The following ME2 variants were observed in gnomAD, a reference collection of about 807,000 sequenced individuals.
The protein encoded by ME2 is NAD-dependent malic enzyme, mitochondrial.
In ME2, 60 loss-of-function variants were observed where a neutral mutation model predicts 73.7. That is an observed-to-expected ratio of 0.81 (90% CI 0.66 to 1.01). The LOEUF is 1.01. ME2 is among the 50% of genes least tolerant of loss of function. ME2 has a pLI of 0.00. For missense variants in ME2, 594 were observed against 705.5 expected (o/e 0.84, Z 1.79); for synonymous variants, 199 against 236.9 (o/e 0.84, Z 1.47).
At chr18:50,937,640 C>G (rs148300592) in intron 13 of ME2, among the ~76,000 whole-genome samples, 2 of 151,986 alleles carry the variant, frequency 1.3e-5, no homozygotes, top group East Asian at 1.9e-4. Flanking sequence ...TTATCAATAT[C>G]CTCAGGGGGA....
At chr18:50,926,247 A>G (rs1468785071) in intron 12 of ME2, among the ~76,000 whole-genome samples, 3 of 152,032 alleles carry the variant, frequency 2.0e-5, no homozygotes, top group Admixed American at 2.0e-4. Flanking sequence ...ACCTAGGATC[A>G]TTTTCCTTCT....
intron 3 of ME2, among the ~76,000 whole-genome samples, chr18:50,908,960 T>TC (rs199654117): frequency 3.0e-5 from 4 of 132,340 alleles, no homozygotes; most frequent in African/African-American, 5.7e-5. Context: ...TCTTTTCTTT[T>TC]TTTTTTTTTT....
chr18:50,917,330 AT>A lies in ME2; in HGVS notation c.469-10del. The A allele has an allele frequency of 4.4e-6, 7 of 1,588,600 alleles. No individual in the cohort carries two copies. Among genetic ancestry groups the A allele is most frequent in the South Asian group, 1.1e-5 (1 of 87,656 alleles). ...CCATTTTTGACAACTTTTAATTTGC[AT>A]TTTTTTGTGATTAAGGCTGTTGTAG... On this transcript the variant is annotated splice_polypyrimidine_tract_variant and intron_variant, in intron 5 of 15. Transcript: ENST00000321341.
chr18:50,887,198 G>A (rs765807863), intron 1 of ME2, among the ~76,000 whole-genome samples: 20 of 152,122 alleles, frequency 1.3e-4, no homozygotes, highest in Admixed American at 1.1e-3. Context: ...TAAAGTGATC[G>A]ATTAGTCACA....
Position 50,912,852 on chromosome 18 carries a change from A to C in ME2, c.294A>C (p.Arg98Ser). 1 of 1,607,096 alleles carries C rather than the reference A, an allele frequency of 6.2e-7. No homozygotes were observed. The highest frequency in any genetic ancestry group is 1.7e-5 in the Admixed American group (1 of 59,172). Reference sequence around the variant, plus strand: ...AAAGAAATGAGAAATTGTTTTATAGAATACTGCAAGATGACATTGAGAGTT... The same window carrying C: ...AAAGAAATGAGAAATTGTTTTATAGCATACTGCAAGATGACATTGAGAGTT... ...IQERNEKLFY[R>S]ILQDDIESLM... Residue 98 changes from arginine to serine, a missense_variant, in exon 4 of 16, where the codon AGA becomes AGC. Arg to Ser is a moderately radical substitution (Grantham distance 110). Coordinates refer to ENST00000321341, the MANE Select transcript of ME2 (RefSeq NM_002396.5).
intron 4 of ME2, 124 bp from the exon 5 acceptor site, chr18:50,916,043 TA>T: frequency 4.4e-6 from 3 of 674,282 alleles, no homozygotes; most frequent in Non-Finnish European, 7.6e-6. Flanking sequence ...GTGACTTAGC[TA>T]AATCTGCTTG....
chr18:50,905,847 TTGA>T (rs919234577), intron 2 of ME2, among the ~76,000 whole-genome samples: 14 of 152,152 alleles, frequency 9.2e-5, no homozygotes, highest in African/African-American at 3.4e-4. Context: ...AAGGTCTGTG[TTGA>T]TGTTAATGCT....
intron 1 of ME2, among the ~76,000 whole-genome samples, chr18:50,893,726 A>G (rs992268656): frequency 1.3e-5 from 2 of 152,212 alleles, no homozygotes; most frequent in Admixed American, 1.3e-4. Context: ...TTAACAATAC[A>G]TTGAAGATTT....
chr18:50,887,818 G>A (rs1188208786), intron 1 of ME2, among the ~76,000 whole-genome samples: 1 of 152,116 alleles, frequency 6.6e-6, no homozygotes, highest in African/African-American at 2.4e-5. Flanking sequence ...CAAAAATTAT[G>A]CCATGAAAGA....
In ME2 at chr18:50,932,380, A is replaced by T. The variant is rs769668026; in HGVS notation, c.1417+20A>T. 4.5e-6 allele frequency: 7 copies of T among 1,556,926 alleles called. No homozygotes were observed. In the African/African-American group the frequency reaches 8.2e-5, roughly 18 times the overall value. ...TTCCAGGTAAATGCCACCATTATTTATGTTATAGAGCAATAGTTAATTATG... is the reference window on the plus strand; with the variant it reads ...TTCCAGGTAAATGCCACCATTATTTTTGTTATAGAGCAATAGTTAATTATG... On this transcript the variant is annotated intron_variant, in intron 13 of 15. Transcript: ENST00000321341.
intron 1 of ME2, among the ~76,000 whole-genome samples, chr18:50,894,329 C>T (rs1486567263): frequency 2.0e-5 from 3 of 151,922 alleles, no homozygotes; most frequent in South Asian, 2.1e-4. Flanking sequence ...TTTGGGAGGC[C>T]GAGGCAGGTG....
intron 13 of ME2, among the ~76,000 whole-genome samples, chr18:50,937,765 C>T (rs910489435): frequency 1.3e-5 from 2 of 151,658 alleles, no homozygotes; most frequent in Non-Finnish European, 2.9e-5. Context: ...AGTTAAGTCA[C>T]CTAAAAAGAG....
intron 2 of ME2, among the ~76,000 whole-genome samples, chr18:50,898,546 C>G (rs1169470835): frequency 6.6e-6 from 1 of 152,160 alleles, no homozygotes; most frequent in Non-Finnish European, 1.5e-5. Flanking sequence ...ATTTTCCCAT[C>G]TCACCTTCCC....
At chr18:50,882,484 G>T (rs1347671806) in intron 1 of ME2, among the ~76,000 whole-genome samples, 1 of 152,130 alleles carries the variant, frequency 6.6e-6, no homozygotes, top group Non-Finnish European at 1.5e-5. Context: ...AATTCTGCAA[G>T]TTTCCCCTCC....
chr18:50,893,986 A>G (rs181968076), intron 1 of ME2, among the ~76,000 whole-genome samples: 1 of 152,194 alleles, frequency 6.6e-6, no homozygotes, highest in Non-Finnish European at 1.5e-5. Flanking sequence ...TTTACAGTTT[A>G]ATTACATCTA....
chr18:50,887,277 A>T (rs990644110), intron 1 of ME2, among the ~76,000 whole-genome samples: 1 of 152,224 alleles, frequency 6.6e-6, no homozygotes, highest in Non-Finnish European at 1.5e-5. Flanking sequence ...ACACAGAGCC[A>T]AGTTTGAAAG....
chr18:50,916,132 GT>G (rs1568167347), intron 4 of ME2, 35 bp from the exon 5 acceptor site: 8 of 1,396,008 alleles, frequency 5.7e-6, no homozygotes, highest in Non-Finnish European at 8.0e-6. Flanking sequence ...AAACAAAGCT[GT>G]TGTGAAATGC....
intron 12 of ME2, among the ~76,000 whole-genome samples, chr18:50,930,261 AAAAT>A (rs1218274905): frequency 6.6e-6 from 1 of 152,164 alleles, no homozygotes; most frequent in Admixed American, 6.5e-5. Flanking sequence ...CCCCGTCTCA[AAAAT>A]AAATAAATAA....
chr18:50,929,190 CTG>C (rs1175314470), intron 12 of ME2, among the ~76,000 whole-genome samples: 1 of 148,092 alleles, frequency 6.8e-6, no homozygotes, highest in East Asian at 2.0e-4. Flanking sequence ...TTGTTAAACA[CTG>C]TGTAGGCCAG....
Sources: gnomAD v4.1 joint callset for allele counts (sites outside exome capture counted in the v4.1 genomes callset) on GRCh38, gnomAD v4.1.1 for gene constraint, MANE v1.5 for transcripts, NCBI Gene and HGNC (gene_info 2026-07-23, HGNC 2026-07-21) for gene names.